The following SERAC1 variants were observed in gnomAD, a reference collection of about 807,000 sequenced individuals.
SERAC1 encodes the protein serine active site containing 1.
Under a neutral mutation model 85.7 loss-of-function variants are expected in SERAC1, and 36 were observed. That is an observed-to-expected ratio of 0.42 (90% confidence interval 0.32 to 0.55). The LOEUF is 0.55. Ranked by LOEUF, SERAC1 falls within the 20% of genes least tolerant of loss-of-function variation. SERAC1 has a pLI of 0.11. For missense variants in SERAC1, 629 were observed against 796.2 expected (o/e 0.79, Z 2.53); for synonymous variants, 242 against 265.3 (o/e 0.91, Z 0.85).
At chr6:158,160,893 C>G (rs1412588572) in intron 1 of SERAC1, 1 of 152,122 alleles carries the variant, frequency 6.6e-6, no homozygotes, top group Non-Finnish European at 1.5e-5. Flanking sequence ...AGCAGTCAAC[C>G]TAAATATTTA....
In SERAC1 at chr6:158,111,296, T is replaced by C; in HGVS notation, c.*70A>G. The C allele has an allele frequency of 7.1e-7, 1 of 1,405,548 alleles. No individual in the cohort carries two copies. The highest frequency in any genetic ancestry group is 9.6e-7 in the Non-Finnish European group (1 of 1,041,340). The allele number at this position is 1,405,548 out of a possible 1,614,324, so 87.1% of individuals were successfully genotyped here. A position where few individuals can be genotyped will look rare whatever the true frequency, so the allele number is the denominator to read the frequency against. On this transcript the variant is annotated 3_prime_UTR_variant, in exon 17 of 17. Coordinates refer to ENST00000647468, the MANE Select transcript of SERAC1 (RefSeq NM_032861.4). ...CTATGTTTGCATGATTGCATAGAGC[T>C]TAAAAGAAGAAACAGAACACCAAGT...
At chr6:158,147,643 G>A (rs1227478166) in intron 5 of SERAC1, among the ~76,000 whole-genome samples, 19 of 149,742 alleles carry the variant, frequency 1.3e-4, no homozygotes, top group Admixed American at 6.0e-4. Context: ...GGTGGCGGGC[G>A]CCTGCAGTCC....
intron 2 of SERAC1, among the ~76,000 whole-genome samples, chr6:158,156,893 TA>T (rs1168637198): frequency 7.6e-6 from 1 of 132,384 alleles, no homozygotes; most frequent in African/African-American, 2.8e-5. Flanking sequence ...TTAATATATT[TA>T]TATAGATATT....
intron 1 of SERAC1, among the ~76,000 whole-genome samples, chr6:158,163,660 C>A (rs1322641854): frequency 6.6e-6 from 1 of 152,192 alleles, no homozygotes; most frequent in South Asian, 2.1e-4. Flanking sequence ...ATGTATGGAC[C>A]TATTCCACTC....
chr6:158,155,377 A>C, intron 2 of SERAC1, 26 bp from the exon 3 acceptor site: 1 of 1,394,160 alleles, frequency 7.2e-7, no homozygotes, highest in Non-Finnish European at 1.0e-6. Context: ...AGTCAATGTG[A>C]TGAATTTCAT....
Position 158,112,647 on chromosome 6 carries a change from CAAAAG to C in SERAC1, c.1828+797_1828+801del, listed in dbSNP as rs1387479262. On this transcript the variant is annotated intron_variant, in intron 16 of 16. Coordinates refer to ENST00000647468, the MANE Select transcript of SERAC1 (RefSeq NM_032861.4). ...ATTAGGACAAAACTCATTATGTAGA[CAAAAG>C]AACCATCTGGCAAGCACTCCAGATG... 6 of 151,400 alleles carry C rather than the reference CAAAAG, an allele frequency of 4.0e-5. No homozygotes were observed. The East Asian group carries it at 1.2e-3, about 29-fold the overall frequency. 9.4% of individuals were successfully genotyped at this position (151,400 alleles called of 1,614,324 possible). A position where few individuals can be genotyped will look rare whatever the true frequency, so the allele number is the denominator to read the frequency against.
intron 8 of SERAC1, among the ~76,000 whole-genome samples, chr6:158,133,378 A>ATTTTTTTTTTTTTTTTTT (rs767768720): frequency 1.5e-5 from 1 of 66,376 alleles, no homozygotes; most frequent in Admixed American, 2.4e-4. Flanking sequence ...TCTGGTGTTA[A>ATTTTTTTTTTTTTTTTTT]TTTTTTTTTT....
chr6:158,147,562 C>T (rs1785094891), intron 5 of SERAC1, among the ~76,000 whole-genome samples: 1 of 149,390 alleles, frequency 6.7e-6, no homozygotes, highest in Non-Finnish European at 1.5e-5. Flanking sequence ...AGATCCAGAC[C>T]ATCCTGGCTA....
chr6:158,167,563 T>G (rs1320685787), intron 1 of SERAC1, among the ~76,000 whole-genome samples: 1 of 142,940 alleles, frequency 7.0e-6, no homozygotes, highest in Non-Finnish European at 1.5e-5. Flanking sequence ...AAAGGCAGCA[T>G]GAGCTTAATG....
intron 7 of SERAC1, 114 bp downstream of exon 7, chr6:158,144,185 G>T: frequency 2.6e-6 from 2 of 773,714 alleles, no homozygotes; most frequent in Non-Finnish European, 2.0e-6. Flanking sequence ...CAGTTTATCT[G>T]CTTGTGAGAA....
At position 158,119,100 on chromosome 6, in the gene SERAC1, G is replaced by C. The variant is rs1172495602; in HGVS notation, c.1237C>G (p.Gln413Glu). The C allele has an allele frequency of 6.2e-7, 1 of 1,613,900 alleles. No individual in the cohort carries two copies. Among genetic ancestry groups the C allele is most frequent in the South Asian group, 1.1e-5 (1 of 91,050 alleles). Residue 413 changes from glutamine to glutamate, a missense_variant, in exon 12 of 17, where the codon CAG (glutamine) becomes GAG (glutamate). Gln to Glu is a conservative substitution (Grantham distance 29). Coordinates refer to ENST00000647468, the MANE Select transcript of SERAC1 (RefSeq NM_032861.4). The surrounding 1 kb of genome is among the most constrained non-coding windows in gnomAD (Gnocchi z 4.5). ...MGAAFKTWRQQDSEQAVIEKP... is the reference protein window; with the variant it reads ...MGAAFKTWRQEDSEQAVIEKP... ...TCAATTACAGCCTGCTCACTGTCCT[G>C]CTGGCGCCATGTTTTGAATGCTGCT... is the stretch of plus-strand genomic sequence containing the variant.
chr6:158,144,282 A>G lies in SERAC1; in HGVS notation c.609+17T>C. On this transcript the variant is annotated intron_variant, in intron 7 of 16. Transcript: ENST00000647468. ...ATTTTTCACTCTCTAAATTACTATTATTATTGTTTTACTTACTTCTTTTAA... is the reference window on the plus strand; with the variant it reads ...ATTTTTCACTCTCTAAATTACTATTGTTATTGTTTTACTTACTTCTTTTAA... The G allele has an allele frequency of 3.8e-6, 6 of 1,590,150 alleles. No individual in the cohort carries two copies. The highest frequency in any genetic ancestry group is 5.2e-6 in the Non-Finnish European group (6 of 1,162,138).
rs1784646102 is a variant in SERAC1, at chr6:158,130,389, A to G, written c.836T>C (p.Ile279Thr). The change falls in exon 9 of 17, where the codon ATA becomes ACA. Residue 279 changes from isoleucine (I) to threonine (T), a missense_variant. Physicochemically the swap from Ile to Thr is moderately conservative, Grantham distance 89. Coordinates refer to ENST00000647468, the MANE Select transcript of SERAC1 (RefSeq NM_032861.4). ...ATVEMFCLEA[I>T]VKHSEISTHC... ...GTAAATTACCTCAGAATGTTTTACT[A>G]TAGCTTCTAAACAGAACATTTCCAC... is the stretch of plus-strand genomic sequence containing the variant. The G allele has an allele frequency of 3.2e-6, 5 of 1,557,878 alleles. No homozygotes were observed. The highest frequency in any genetic ancestry group is 4.3e-6 in the Non-Finnish European group (5 of 1,153,560).
chr6:158,163,986 C>T (rs1554266143), intron 1 of SERAC1, among the ~76,000 whole-genome samples: 3 of 151,768 alleles, frequency 2.0e-5, no homozygotes, highest in Non-Finnish European at 4.4e-5. Context: ...CCACCCGCCT[C>T]GGCTTCCCAA....
chr6:158,120,586 G>A lies in SERAC1; in HGVS notation c.1016-11C>T, dbSNP rs41269577. ...TGATGGAAACCCAGCCTGGTGAAAA[G>A]TACACATATCCTAAATACTGATGTG... On this transcript the variant is annotated splice_polypyrimidine_tract_variant and intron_variant, in intron 10 of 16. Transcript: ENST00000647468. The surrounding 1 kb of genome is among the most constrained non-coding windows in gnomAD (Gnocchi z 4.4). 41,883 of 1,612,888 alleles carry A rather than the reference G, an allele frequency of 0.026. 812 individuals carry two copies. Among genetic ancestry groups the A allele is most frequent in the African/African-American group, 0.093 (6,998 of 74,878 alleles).
intron 10 of SERAC1, among the ~76,000 whole-genome samples, chr6:158,122,965 T>C (rs1784456124): frequency 6.6e-6 from 1 of 152,186 alleles, no homozygotes; most frequent in East Asian, 1.9e-4. Flanking sequence ...TCATTCCTAT[T>C]GGCAGACATT....
chr6:158,151,524 C>T (rs1467842728), intron 3 of SERAC1, among the ~76,000 whole-genome samples: 2 of 152,090 alleles, frequency 1.3e-5, no homozygotes, highest in African/African-American at 4.8e-5. Context: ...TGGGTTCACG[C>T]CATTCTCTCA....
At position 158,110,470 on chromosome 6, in the gene SERAC1, G is replaced by C. The variant is rs1784118918; in HGVS notation, c.*896C>G. The C allele has an allele frequency of 6.6e-6, 1 of 152,064 alleles. No homozygotes were observed. Among genetic ancestry groups the C allele is most frequent in the Non-Finnish European group, 1.5e-5 (1 of 68,014 alleles). 9.4% of individuals were successfully genotyped at this position (152,064 alleles called of 1,614,324 possible). The stretch of plus-strand genomic sequence containing the variant: ...ATGTAAATTATATCTCAATAATGCT[G>C]TTACTCTAAAGAAAAAAAGGTCATC... On this transcript the variant is annotated 3_prime_UTR_variant, in exon 17 of 17. Transcript: ENST00000647468.
chr6:158,139,748 A>T (rs1480510266), intron 8 of SERAC1, among the ~76,000 whole-genome samples: 3 of 152,164 alleles, frequency 2.0e-5, no homozygotes, highest in Admixed American at 2.0e-4. Flanking sequence ...AAAAACAAAA[A>T]CAAAATCACT....
Sources: gnomAD v4.1 joint callset for allele counts (sites outside exome capture counted in the v4.1 genomes callset) on GRCh38, gnomAD v4.1.1 for gene constraint, Gnocchi (gnomAD v3.1) non-coding constraint, MANE v1.5 for transcripts, NCBI Gene and HGNC (gene_info 2026-07-23, HGNC 2026-07-21) for gene names.